The following TENM1 variants were observed in gnomAD, a reference collection of about 807,000 sequenced individuals.
TENM1 encodes the protein teneurin-1.
TENM1 carries 35 observed loss-of-function variants against 174.8 expected under a neutral mutation model. The observed-to-expected ratio is 0.20, with a 90% CI of 0.15 to 0.27. The LOEUF (loss-of-function observed/expected upper bound fraction) is 0.27. Ranked by LOEUF, TENM1 falls within the 10% of genes least tolerant of loss-of-function variation. The probability of loss-of-function intolerance (pLI) is 1.00; values close to 1 mark genes in which losing one functional copy is unlikely to be tolerated. For synonymous variants in TENM1, 781 were observed against 798.7 expected (o/e 0.98, Z 0.37); for missense variants, 1,633 against 2,130.1 (o/e 0.77, Z 4.59).
chrX:124,661,698 A>G (rs1336439597), intron 6 of TENM1, among the ~76,000 whole-genome samples: 3 of 111,897 alleles, frequency 2.7e-5, no homozygotes, highest in African/African-American at 9.7e-5. Flanking sequence ...ACATCTGTCT[A>G]AATTTTCGAC....
At chrX:124,939,541 A>G (rs7056928) in intron 1 of TENM1, among the ~76,000 whole-genome samples, 2,011 of 111,733 alleles carry the variant, frequency 0.018, 47 homozygotes, top group African/African-American at 0.062. Flanking sequence ...TCGAATGATT[A>G]CTATAAGAAA....
the TENM1 span, among the ~76,000 whole-genome samples, chrX:125,086,169 C>T: frequency 5.4e-5 from 6 of 110,393 alleles, no homozygotes; most frequent in Middle Eastern, 5.1e-3. Flanking sequence ...ATATCTGGTT[C>T]ATGTTATTCA....
intron 27 of TENM1, among the ~76,000 whole-genome samples, chrX:124,392,725 T>C (rs1011812183): frequency 3.6e-5 from 4 of 112,008 alleles, no homozygotes; most frequent in African/African-American, 1.3e-4. Context: ...GAAGTGGCCA[T>C]AACATAAAAG....
the TENM1 span, among the ~76,000 whole-genome samples, chrX:125,113,629 C>T: frequency 5.4e-5 from 6 of 110,835 alleles, no homozygotes; most frequent in South Asian, 1.1e-3. Context: ...TCTGATAAAA[C>T]GGTCTATAGA....
At chrX:124,389,869 C>T (rs1202658606) in intron 28 of TENM1, among the ~76,000 whole-genome samples, 1 of 112,217 alleles carries the variant, frequency 8.9e-6, no homozygotes, top group Admixed American at 9.4e-5. Flanking sequence ...ATTATGCGTT[C>T]TGTAGGTTCT....
the TENM1 span, among the ~76,000 whole-genome samples, chrX:125,052,926 TGTATACAAG>T: frequency 1.8e-5 from 2 of 112,339 alleles, no homozygotes; most frequent in African/African-American, 6.5e-5. Context: ...AAATAAAAAT[TGTATACAAG>T]GTATACAACG....
At chrX:124,473,862 A>C (rs1019035315) in intron 22 of TENM1, among the ~76,000 whole-genome samples, 2 of 111,938 alleles carry the variant, frequency 1.8e-5, no homozygotes, top group Admixed American at 1.9e-4. Context: ...TTTAATTGTG[A>C]AATAGTACGC....
At chrX:125,042,402 A>T in the TENM1 span, among the ~76,000 whole-genome samples, 1 of 110,952 alleles carries the variant, frequency 9.0e-6, no homozygotes, top group African/African-American at 3.3e-5. Flanking sequence ...AACACCTGTA[A>T]TTTCACACAA....
At chrX:124,930,873 TAGGCTTA>T (rs2058159772) in intron 1 of TENM1, among the ~76,000 whole-genome samples, 1 of 112,104 alleles carries the variant, frequency 8.9e-6, no homozygotes. Context: ...GATTTTTCCT[TAGGCTTA>T]AGACACGTGC....
At chrX:125,190,267 A>G in the TENM1 span, among the ~76,000 whole-genome samples, 1 of 112,247 alleles carries the variant, frequency 8.9e-6, no homozygotes, top group Admixed American at 9.5e-5. Context: ...AGACCTGCCA[A>G]AACTTGTCAA....
intron 11 of TENM1, among the ~76,000 whole-genome samples, chrX:124,599,983 G>C (rs2049990635): frequency 9.1e-6 from 1 of 109,940 alleles, no homozygotes; most frequent in East Asian, 2.8e-4. Flanking sequence ...TATATAAATA[G>C]ATAAAAAGGT....
chrX:125,053,693 T>C, the TENM1 span, among the ~76,000 whole-genome samples: 1 of 111,718 alleles, frequency 9.0e-6, no homozygotes, highest in Admixed American at 9.6e-5. Context: ...GAAGACATAT[T>C]AAACATTTAA....
chrX:124,414,832 C>T (rs2060576768), intron 25 of TENM1, among the ~76,000 whole-genome samples: 1 of 111,658 alleles, frequency 9.0e-6, no homozygotes, highest in Admixed American at 9.5e-5. Context: ...GACTGGCCTA[C>T]CTTTACACTG....
At chrX:125,194,738 A>G in the TENM1 span, among the ~76,000 whole-genome samples, 1 of 111,798 alleles carries the variant, frequency 8.9e-6, no homozygotes, top group African/African-American at 3.3e-5. Context: ...AGGCTCGGAT[A>G]GGAAATAAAA....
intron 6 of TENM1, among the ~76,000 whole-genome samples, chrX:124,668,692 A>C (rs1465997959): frequency 9.4e-6 from 1 of 106,758 alleles, no homozygotes; most frequent in Non-Finnish European, 1.9e-5. Flanking sequence ...CACTCTGGGG[A>C]CTGTTGTGGG....
chrX:124,728,642 T>A (rs2053495946), intron 4 of TENM1, among the ~76,000 whole-genome samples: 1 of 111,397 alleles, frequency 9.0e-6, no homozygotes, highest in African/African-American at 3.3e-5. Context: ...CTTGGTTAGA[T>A]CTACCCCCCT....
intron 3 of TENM1, among the ~76,000 whole-genome samples, chrX:124,851,135 T>C (rs969872071): frequency 3.6e-5 from 4 of 111,917 alleles, no homozygotes; most frequent in Non-Finnish European, 7.5e-5. Flanking sequence ...ATCCCATCTA[T>C]GACTTTCTCT....
chrX:124,401,078 G>C (rs2060393997), intron 27 of TENM1, among the ~76,000 whole-genome samples: 1 of 111,363 alleles, frequency 9.0e-6, no homozygotes, highest in African/African-American at 3.3e-5. Context: ...AGGGTATCAT[G>C]TTTCCCAAAA....
the TENM1 span, among the ~76,000 whole-genome samples, chrX:125,052,814 C>T: frequency 3.6e-5 from 4 of 112,108 alleles, no homozygotes; most frequent in African/African-American, 9.7e-5. Context: ...CAACAGAAAA[C>T]GGAAGTAGTG....
Sources: allele counts gnomAD v4.1 joint callset (sites outside exome capture counted in the v4.1 genomes callset), GRCh38; gene constraint gnomAD v4.1.1; transcripts MANE v1.5; gene names NCBI Gene and HGNC (gene_info 2026-07-23, HGNC 2026-07-21).